Variants in TSR1 observed in about 807,000 individuals in gnomAD.
TSR1 encodes the protein TSR1 ribosome maturation factor, also known as pre-rRNA-processing protein TSR1 homolog.
Under a neutral mutation model 90.9 loss-of-function variants are expected in TSR1, and 81 were observed. The observed-to-expected ratio is 0.89, with a 90% CI of 0.74 to 1.07. The LOEUF is 1.07. Ranked by LOEUF, TSR1 falls within the 50% of genes least tolerant of loss-of-function variation. The probability of loss-of-function intolerance (pLI) is 0.00; values close to 1 mark genes in which losing one functional copy is unlikely to be tolerated. For missense variants in TSR1, 989 were observed against 987.3 expected (o/e 1.00, Z -0.02); for synonymous variants, 362 against 348.8 (o/e 1.04, Z -0.42).
intron 12 of TSR1, 88 bp downstream of exon 12, chr17:2,325,216 T>G: frequency 1.0e-6 from 1 of 959,034 alleles, no homozygotes. Flanking sequence ...TCCATACCAT[T>G]TGGCTCCCAA....
At position 2,336,435 on chromosome 17, in the gene TSR1, C is replaced by A. The variant is rs373192073; in HGVS notation, c.-8G>T. The A allele has an allele frequency of 1.9e-5, 30 of 1,608,146 alleles. No homozygotes were observed. The Admixed American group carries it at 5.0e-4, about 27-fold the overall frequency. ...GGGGCGGTGGGCCGCCATGCCGCAG[C>A]GCGCGTGTACGGAGTCAGCACTGCT... On this transcript the variant is annotated 5_prime_UTR_variant, in exon 1 of 15. Transcript: ENST00000301364.
intron 9 of TSR1, 30 bp downstream of exon 9, chr17:2,330,917 A>G: frequency 6.5e-7 from 1 of 1,550,168 alleles, no homozygotes; most frequent in Non-Finnish European, 8.7e-7. Flanking sequence ...AATGAAAGCA[A>G]CATACAAGAT....
chr17:2,328,526 T>G (rs1597275625), intron 11 of TSR1, among the ~76,000 whole-genome samples: 1 of 148,982 alleles, frequency 6.7e-6, no homozygotes, highest in Non-Finnish European at 1.5e-5. Context: ...GAGGCGGAGG[T>G]TGCAGTGAGC....
rs916010789 is a variant in TSR1 at position 2,324,341 on chromosome 17, C to G, written c.2270G>C (p.Gly757Ala). Residue 757 changes from glycine (G) to alanine (A), a missense_variant, in exon 15 of 15, where the codon GGG becomes GCG. By Grantham distance (60) the Gly-to-Ala change is moderately conservative. Transcript: ENST00000301364. ...TACTGTGTCTTGAGATTTTAGCTTC[C>G]CATCAAAGCTGCATTTCATGTGGCC... ...THGHMKCSFD[G>A]KLKSQDTVLM... 1.3e-6 allele frequency: 2 copies of G among 1,561,676 alleles called. No homozygotes were observed. Among genetic ancestry groups the G allele is most frequent in the Non-Finnish European group, 8.6e-7 (1 of 1,157,894 alleles).
rs2064022999 is a variant in TSR1, at chr17:2,333,574, T to A, written c.1124A>T (p.Glu375Val). The change falls in exon 6 of 15, where the codon GAG (glutamate) becomes GTG (valine). Residue 375 changes from glutamate to valine, a missense_variant. Glu to Val is a moderately radical substitution (Grantham distance 121). Transcript: ENST00000301364. ...ATACTGACCCTTTGCCTCGCTCAGC[T>A]CCTCCTCAGTGGGCCAGGTTTGCTC... ...EGEQTWPTEE[E>V]LSEAKDFLKE... 1 of 1,614,056 alleles carries A rather than the reference T, an allele frequency of 6.2e-7. No individual in the cohort carries two copies. Among genetic ancestry groups the A allele is most frequent in the Non-Finnish European group, 8.5e-7 (1 of 1,180,020 alleles).
chr17:2,329,188 G>T, intron 11 of TSR1, 155 bp downstream of exon 11: 1 of 1,199,622 alleles, frequency 8.3e-7, no homozygotes, highest in Non-Finnish European at 1.2e-6. Context: ...CAGACATTTT[G>T]AATAAAAACA....
chr17:2,330,686 A>T (rs146022702), intron 9 of TSR1, 61 bp from the exon 10 acceptor site: 21 of 1,520,150 alleles, frequency 1.4e-5, no homozygotes, highest in Admixed American at 3.7e-5. Flanking sequence ...ATAGCGAGGA[A>T]GCTTTCTCCA....
chr17:2,332,448 T>C, intron 7 of TSR1, 89 bp from the exon 8 acceptor site: 1 of 1,113,144 alleles, frequency 9.0e-7, no homozygotes, highest in East Asian at 2.4e-5. Context: ...ATAATTGTAC[T>C]AGATCCCTAT....
chr17:2,330,199 G>A, intron 10 of TSR1: 2 of 495,586 alleles, frequency 4.0e-6, no homozygotes, highest in East Asian at 1.1e-4. Context: ...GGGATTACAG[G>A]CGTGAGCCGC....
intron 11 of TSR1, among the ~76,000 whole-genome samples, chr17:2,327,744 G>C (rs1187303180): frequency 1.3e-5 from 2 of 152,078 alleles, no homozygotes; most frequent in African/African-American, 4.8e-5. Flanking sequence ...AATCAATTAA[G>C]TGATAAATGC....
rs145509923 is a variant in TSR1, at chr17:2,335,165, C to T, written c.556+95G>A. Reference sequence around the variant, plus strand: ...AATCCATATGTGTACATCCCACCACCAGCTGAATATGATCCATCAGTTGTA... The same window carrying T: ...AATCCATATGTGTACATCCCACCACTAGCTGAATATGATCCATCAGTTGTA... On this transcript the variant is annotated intron_variant, in intron 4 of 14. Coordinates refer to ENST00000301364, the MANE Select transcript of TSR1 (RefSeq NM_018128.5). The T allele has an allele frequency of 3.1e-4, 414 of 1,339,788 alleles. 1 individual carries two copies. The African/African-American group carries it at 5.2e-3, about 17-fold the overall frequency. The allele number at this position is 1,339,788 out of a possible 1,614,324, so 83.0% of individuals were successfully genotyped here.
intron 1 of TSR1, 69 bp downstream of exon 1, chr17:2,336,262 G>A (rs999921519): frequency 3.1e-6 from 5 of 1,606,892 alleles, no homozygotes; most frequent in South Asian, 1.1e-5. Flanking sequence ...CAGAAGCTCA[G>A]TCTGGGCATG....
At chr17:2,332,073 T>C in intron 8 of TSR1, 96 bp downstream of exon 8, 1 of 1,425,070 alleles carries the variant, frequency 7.0e-7, no homozygotes, top group East Asian at 2.3e-5. Context: ...AAAAAATGTG[T>C]TTTTCTTCTT....
At position 2,323,228 on chromosome 17, in the gene TSR1, T is replaced by C; in HGVS notation, c.*968A>G. ...AGCTGAAGGGGAAACTGATGCCCAA[T>C]CTTTATCCTCCAGAAACCATAGCAG... On this transcript the variant is annotated 3_prime_UTR_variant, in exon 15 of 15. Coordinates refer to ENST00000301364, the MANE Select transcript of TSR1 (RefSeq NM_018128.5). 1.2e-6 allele frequency: 2 copies of C among 1,614,232 alleles called. No homozygotes were observed. The highest frequency in any genetic ancestry group is 1.7e-6 in the Non-Finnish European group (2 of 1,180,044).
At position 2,324,006 on chromosome 17, in the gene TSR1, T is replaced by G; in HGVS notation, c.*190A>C. On this transcript the variant is annotated 3_prime_UTR_variant, in exon 15 of 15. Transcript: ENST00000301364. ...ATTTCATTAAGATTTAATAGTTTTT[T>G]TTGGACTAAGTAGTGGAAAAACTTT... The G allele has an allele frequency of 3.4e-6, 4 of 1,169,382 alleles. No homozygotes were observed. In the East Asian group the frequency reaches 9.7e-5, roughly 28 times the overall value. 72.4% of individuals were successfully genotyped at this position (1,169,382 alleles called of 1,614,324 possible). A position where few individuals can be genotyped will look rare whatever the true frequency, so the allele number is the denominator to read the frequency against.
At chr17:2,334,399 TATC>T in intron 5 of TSR1, 70 bp downstream of exon 5, 1 of 1,500,424 alleles carries the variant, frequency 6.7e-7, no homozygotes, top group South Asian at 1.3e-5. Context: ...GTGTACAGAC[TATC>T]TTCTCTGAAT....
intron 8 of TSR1, among the ~76,000 whole-genome samples, chr17:2,331,535 C>T (rs200148915): frequency 1.3e-5 from 2 of 151,648 alleles, no homozygotes; most frequent in Admixed American, 1.3e-4. Context: ...GCCTTGCTCT[C>T]GTTACTGCGC....
chr17:2,334,368 G>A, intron 5 of TSR1, 104 bp downstream of exon 5: 2 of 1,212,214 alleles, frequency 1.6e-6, no homozygotes, highest in African/African-American at 1.5e-5. Flanking sequence ...CTTCAGACTA[G>A]CAGTCTCCTC....
intron 11 of TSR1, among the ~76,000 whole-genome samples, chr17:2,327,277 C>G (rs768751982): frequency 6.6e-6 from 1 of 151,794 alleles, no homozygotes; most frequent in Non-Finnish European, 1.5e-5. Flanking sequence ...AGTAGCTGGG[C>G]GTGGTGGCAG....
Sources: allele counts gnomAD v4.1 joint callset (sites outside exome capture counted in the v4.1 genomes callset), GRCh38; gene constraint gnomAD v4.1.1; transcripts MANE v1.5; gene names NCBI Gene and HGNC (gene_info 2026-07-23, HGNC 2026-07-21).